Variants in TMEM132D observed in about 807,000 individuals in gnomAD.
TMEM132D encodes mature OL transmembrane protein.
In TMEM132D, 21 loss-of-function variants were observed where a neutral mutation model predicts 62.3. The observed-to-expected ratio is 0.34, with a 90% CI of 0.24 to 0.49. The LOEUF is 0.49. TMEM132D is among the 20% of genes least tolerant of loss of function. TMEM132D has a pLI of 0.99. For synonymous variants in TMEM132D, 621 were observed against 575.6 expected (o/e 1.08, Z -1.13); for missense variants, 1,346 against 1,402.8 (o/e 0.96, Z 0.65).
chr12:129,495,271 G>A (rs558013597), intron 3 of TMEM132D, among the ~76,000 whole-genome samples: 10 of 152,210 alleles, frequency 6.6e-5, no homozygotes, highest in African/African-American at 2.2e-4. Flanking sequence ...AGCAAAACGA[G>A]GTGCAGTTTA....
intron 3 of TMEM132D, among the ~76,000 whole-genome samples, chr12:129,419,088 G>C (rs906837793): frequency 2.6e-5 from 4 of 152,194 alleles, no homozygotes; most frequent in Non-Finnish European, 5.9e-5. Flanking sequence ...CTAAACTTCT[G>C]TTGCCTTTTC....
At chr12:129,791,162 G>A (rs1448395701) in intron 1 of TMEM132D, among the ~76,000 whole-genome samples, 2 of 152,158 alleles carry the variant, frequency 1.3e-5, no homozygotes, top group East Asian at 1.9e-4. Context: ...AATCAAATTA[G>A]GAGTGTCTGG....
chr12:129,646,432 T>G (rs1269534350), intron 2 of TMEM132D, among the ~76,000 whole-genome samples: 1 of 152,110 alleles, frequency 6.6e-6, no homozygotes, highest in Non-Finnish European at 1.5e-5. Flanking sequence ...CATCAGCACC[T>G]CCTAGAGCTT....
At chr12:129,201,843 T>C (rs1204290555) in intron 5 of TMEM132D, among the ~76,000 whole-genome samples, 2 of 152,128 alleles carry the variant, frequency 1.3e-5, no homozygotes, top group Non-Finnish European at 2.9e-5. Context: ...TTTGGAGTTC[T>C]AAATAAAACA....
At chr12:129,800,133 G>A (rs933327450) in intron 1 of TMEM132D, among the ~76,000 whole-genome samples, 1 of 152,186 alleles carries the variant, frequency 6.6e-6, no homozygotes. Flanking sequence ...CTCCTAACAA[G>A]AGAGTCTCTT....
chr12:129,304,533 T>C (rs1881798065), intron 4 of TMEM132D, among the ~76,000 whole-genome samples: 1 of 152,064 alleles, frequency 6.6e-6, no homozygotes, highest in Non-Finnish European at 1.5e-5. Flanking sequence ...TCCCATATCC[T>C]GGTGTCACCA....
intron 2 of TMEM132D, among the ~76,000 whole-genome samples, chr12:129,680,376 A>G (rs1880747485): frequency 6.6e-6 from 1 of 152,236 alleles, no homozygotes; most frequent in Non-Finnish European, 1.5e-5. Flanking sequence ...TCACCTTTGC[A>G]TAACAAGTTC....
chr12:129,805,431 A>T (rs925277777), intron 1 of TMEM132D, among the ~76,000 whole-genome samples: 12 of 152,136 alleles, frequency 7.9e-5, no homozygotes, highest in African/African-American at 2.7e-4. Context: ...GAGAAAAACA[A>T]GCAATGGGGA....
intron 4 of TMEM132D, among the ~76,000 whole-genome samples, chr12:129,305,663 G>T: frequency 6.6e-6 from 1 of 152,166 alleles, no homozygotes; most frequent in Non-Finnish European, 1.5e-5. Context: ...GAGCTCTGGA[G>T]CTTGACTGCC....
chr12:129,469,749 C>T (rs1593025260), intron 3 of TMEM132D, among the ~76,000 whole-genome samples: 1 of 152,174 alleles, frequency 6.6e-6, no homozygotes, highest in East Asian at 1.9e-4. Context: ...TAGCTTCTGT[C>T]CTTTAGTTTT....
At chr12:129,509,627 C>T (rs566676108) in intron 3 of TMEM132D, among the ~76,000 whole-genome samples, 2 of 152,282 alleles carry the variant, frequency 1.3e-5, no homozygotes, top group Admixed American at 6.5e-5. Context: ...CTGCCCCCAA[C>T]TACCTTTCCC....
At chr12:129,487,581 G>T (rs1043548705) in intron 3 of TMEM132D, among the ~76,000 whole-genome samples, 2 of 152,160 alleles carry the variant, frequency 1.3e-5, no homozygotes, top group South Asian at 2.1e-4. Flanking sequence ...TCCAAAGTCA[G>T]TGTTGAAAGT....
chr12:129,730,535 TCACTCTGCA>T (rs1254385968), intron 1 of TMEM132D, among the ~76,000 whole-genome samples: 2 of 152,172 alleles, frequency 1.3e-5, no homozygotes, highest in Non-Finnish European at 2.9e-5. Flanking sequence ...ATTCATTTAT[TCACTCTGCA>T]CACACTGATT....
intron 1 of TMEM132D, among the ~76,000 whole-genome samples, chr12:129,733,068 T>C (rs1468061473): frequency 6.6e-6 from 1 of 152,188 alleles, no homozygotes; most frequent in African/African-American, 2.4e-5. Context: ...TCCTGATCTG[T>C]GTCCTTTACC....
chr12:129,466,259 C>T (rs1873890547), intron 3 of TMEM132D, among the ~76,000 whole-genome samples: 1 of 142,668 alleles, frequency 7.0e-6, no homozygotes, highest in Non-Finnish European at 1.5e-5. Flanking sequence ...ACTGGTATAA[C>T]AGTGGCTGGT....
intron 1 of TMEM132D, among the ~76,000 whole-genome samples, chr12:129,711,466 C>T (rs952269714): frequency 1.3e-5 from 2 of 152,188 alleles, no homozygotes; most frequent in African/African-American, 4.8e-5. Context: ...TGGCTCACGC[C>T]TGTAATCCCA....
chr12:129,833,799 C>T (rs530887298), intron 1 of TMEM132D, among the ~76,000 whole-genome samples: 1 of 152,322 alleles, frequency 6.6e-6, no homozygotes, highest in African/African-American at 2.4e-5. Context: ...AGGCATTTAA[C>T]AAGTCGGTGT....
At chr12:129,482,750 T>C (rs1165780277) in intron 3 of TMEM132D, among the ~76,000 whole-genome samples, 1 of 152,078 alleles carries the variant, frequency 6.6e-6, no homozygotes, top group Non-Finnish European at 1.5e-5. Context: ...GTTATTTTAC[T>C]AATTTTAAAT....
At chr12:129,667,906 T>C (rs669926) in intron 2 of TMEM132D, among the ~76,000 whole-genome samples, 115,045 of 151,460 alleles carry the variant, frequency 0.76, 44,147 homozygotes, top group East Asian at 0.86. Flanking sequence ...GTTAACAGAC[T>C]GTGTACCACA....
Sources: gnomAD v4.1 joint callset for allele counts (sites outside exome capture counted in the v4.1 genomes callset) on GRCh38, gnomAD v4.1.1 for gene constraint, MANE v1.5 for transcripts, NCBI Gene and HGNC (gene_info 2026-07-23, HGNC 2026-07-21) for gene names.